The following ZNF57 variants were observed in gnomAD, a reference collection of about 807,000 sequenced individuals.
The protein encoded by ZNF57 is zinc finger protein 424.
ZNF57 carries 11 observed loss-of-function variants against 13.4 expected under a neutral mutation model. That is an observed-to-expected ratio of 0.82 (90% CI 0.52 to 1.36). ZNF57 has a LOEUF of 1.36. Among genes scored for constraint, ZNF57 ranks in the 40% most tolerant of loss-of-function variants. The probability of loss-of-function intolerance (pLI) is 0.00; values close to 1 mark genes in which losing one functional copy is unlikely to be tolerated. For missense variants in ZNF57, 696 were observed against 667.5 expected, an observed-to-expected ratio of 1.04 and a Z score of -0.47; for synonymous variants, 224 against 238.5, an observed-to-expected ratio of 0.94 and a Z score of 0.56.
intron 1 of ZNF57, among the ~76,000 whole-genome samples, chr19:2,907,707 T>G (rs552063120): frequency 6.6e-6 from 1 of 152,278 alleles, no homozygotes; most frequent in East Asian, 1.9e-4. Context: ...GAAAGTAGTT[T>G]TGTCAAGTCC....
chr19:2,915,164 G>A, intron 1 of ZNF57: 1 of 178,114 alleles, frequency 5.6e-6, no homozygotes, highest in Non-Finnish European at 1.2e-5. Context: ...TGCAGTAGCT[G>A]GTGGAAGGCT....
chr19:2,911,527 T>C (rs1035556363), intron 1 of ZNF57, among the ~76,000 whole-genome samples: 2 of 128,124 alleles, frequency 1.6e-5, no homozygotes, highest in African/African-American at 6.5e-5. Context: ...AGGGAGAGTC[T>C]GTCTCAAAAA....
rs948434716 is a variant in ZNF57 at position 2,901,017 on chromosome 19, G to T, written c.-29G>T. ...CCGGCCGCGAGGCCACGGAGAGCTC[G>T]CCTTGGAGAGCCCAGGAGCAGGGGA... On this transcript the variant is annotated 5_prime_UTR_variant, in exon 1 of 4. Transcript: ENST00000306908. The T allele has an allele frequency of 9.6e-5, 149 of 1,557,056 alleles. 1 individual carries two copies. The highest frequency in any genetic ancestry group is 1.3e-4 in the Non-Finnish European group (144 of 1,149,748).
chr19:2,912,382 C>G (rs970648299), intron 1 of ZNF57: 2 of 152,220 alleles, frequency 1.3e-5, no homozygotes, highest in African/African-American at 4.8e-5. Context: ...TTCTTCTCCT[C>G]TACAAGACTG....
At chr19:2,912,246 A>C (rs2088144557) in intron 1 of ZNF57, 1 of 152,342 alleles carries the variant, frequency 6.6e-6, no homozygotes, top group Non-Finnish European at 1.5e-5. Flanking sequence ...GATGGGGGAT[A>C]CATCTCTTTC....
chr19:2,903,811 G>A (rs1364146232), intron 1 of ZNF57, among the ~76,000 whole-genome samples: 2 of 151,466 alleles, frequency 1.3e-5, no homozygotes, highest in Non-Finnish European at 2.9e-5. Flanking sequence ...GCCCTCCGGG[G>A]TTCACGCCAT....
chr19:2,907,401 G>A (rs138504675), intron 1 of ZNF57, among the ~76,000 whole-genome samples: 270 of 152,256 alleles, frequency 1.8e-3, no homozygotes, highest in African/African-American at 6.0e-3. Context: ...TTCCGAAAGC[G>A]CAAATTAAAT....
Position 2,917,455 on chromosome 19 carries a change from G to C in ZNF57, c.834G>C (p.Lys278Asn), listed in dbSNP as rs1348181986. 6.2e-7 allele frequency: 1 copy of C among 1,613,876 alleles called. No homozygotes were observed. Among genetic ancestry groups the C allele is most frequent in the South Asian group, 1.1e-5 (1 of 91,062 alleles). Reference sequence around the variant, plus strand: ...ACATGACAACACACACTGGAGAGAAGCCCTATAAATGTCAGCACTGTGGGA... The same window carrying C: ...ACATGACAACACACACTGGAGAGAACCCCTATAAATGTCAGCACTGTGGGA... Reference protein sequence around the residue: ...QRHMTTHTGEKPYKCQHCGKA... With the variant: ...QRHMTTHTGENPYKCQHCGKA... The change falls in exon 4 of 4, where the codon AAG (lysine) becomes AAC (asparagine). Residue 278 changes from lysine (K) to asparagine (N), a missense_variant. Around this residue, in one of 3 missense-constraint regions of ZNF57, gnomAD observed 645 missense variants for 591.5 expected, o/e 1.09. Transcript: ENST00000306908.
At chr19:2,912,294 G>T (rs1410781980) in intron 1 of ZNF57, 1 of 152,238 alleles carries the variant, frequency 6.6e-6, no homozygotes, top group Non-Finnish European at 1.5e-5. Flanking sequence ...CCCAACAGGT[G>T]AGGCTCTGAT....
rs61754924 is a variant in ZNF57, at chr19:2,917,524, G to A, written c.903G>A (p.Thr301=). 0.023 allele frequency: 37,165 copies of A among 1,613,796 alleles called. 818 individuals are homozygous for A. Among genetic ancestry groups the A allele is most frequent in the Middle Eastern group, 0.1 (622 of 6,056 alleles). The part of the protein sequence containing the change: ...YPQAFQRHEK[T]HTGEKPYECK... ...AGGCTTTTCAAAGACATGAGAAGACGCACACGGGAGAGAAGCCCTATGAAT... is the reference window on the plus strand; with the variant it reads ...AGGCTTTTCAAAGACATGAGAAGACACACACGGGAGAGAAGCCCTATGAAT... The change falls in exon 4 of 4, where the codon ACG becomes ACA. Residue 301 remains threonine, a synonymous_variant. Coordinates refer to ENST00000306908, the MANE Select transcript of ZNF57 (RefSeq NM_173480.3).
Position 2,917,168 on chromosome 19 carries a change from C to G in ZNF57, c.547C>G (p.Leu183Val), listed in dbSNP as rs529852387. Residue 183 changes from leucine to valine, a missense_variant, in exon 4 of 4, where the codon CTA becomes GTA. Physicochemically the swap from Leu to Val is conservative, Grantham distance 32. This residue lies in a region of ZNF57 where 645 missense variants were observed against 591.5 expected (regional missense o/e 1.09). Transcript: ENST00000306908. ...GCAGGCCTGCATTTGTCCCTCACACCTACACAGTCACGGAAGAACTGACAC... is the reference window on the plus strand; with the variant it reads ...GCAGGCCTGCATTTGTCCCTCACACGTACACAGTCACGGAAGAACTGACAC... Reference protein sequence around the residue: ...CKQACICPSHLHSHGRTDTEE... With the variant: ...CKQACICPSHVHSHGRTDTEE... The G allele has an allele frequency of 1.9e-5, 30 of 1,614,180 alleles. No homozygotes were observed. In the South Asian group the frequency reaches 3.1e-4, roughly 17 times the overall value.
At chr19:2,916,873 C>T in intron 3 of ZNF57, 51 bp from the exon 4 acceptor site, 2 of 1,445,668 alleles carry the variant, frequency 1.4e-6, no homozygotes, top group Non-Finnish European at 1.9e-6. Context: ...TACATCTCAA[C>T]ACATCATTAC....
chr19:2,916,851 AATACTT>A (rs2088203639), intron 3 of ZNF57, 67 bp from the exon 4 acceptor site: 2 of 1,297,710 alleles, frequency 1.5e-6, no homozygotes, highest in Non-Finnish European at 2.1e-6. Flanking sequence ...CATTATTTCT[AATACTT>A]GTTAATACAT....
chr19:2,910,978 T>C (rs2144927419), intron 1 of ZNF57, among the ~76,000 whole-genome samples: 1 of 152,108 alleles, frequency 6.6e-6, no homozygotes, highest in South Asian at 2.1e-4. Flanking sequence ...TTGGTTTTGA[T>C]TGCATGTTTT....
intron 1 of ZNF57, among the ~76,000 whole-genome samples, chr19:2,902,432 G>A (rs2088038291): frequency 6.6e-6 from 1 of 152,128 alleles, no homozygotes; most frequent in African/African-American, 2.4e-5. Flanking sequence ...GTGGGGTACA[G>A]GCTAAGCATG....
At chr19:2,911,439 G>A (rs372430460) in intron 1 of ZNF57, among the ~76,000 whole-genome samples, 160 of 152,128 alleles carry the variant, frequency 1.1e-3, no homozygotes, top group African/African-American at 3.6e-3. Flanking sequence ...AGGCTGATGC[G>A]GGAGAATCTC....
chr19:2,907,358 G>A (rs555721772), intron 1 of ZNF57, among the ~76,000 whole-genome samples: 1 of 152,194 alleles, frequency 6.6e-6, no homozygotes, highest in Non-Finnish European at 1.5e-5. Context: ...AAGTTCTGCA[G>A]CAGGCCCACG....
At chr19:2,915,761 C>G (rs1160486036) in intron 2 of ZNF57, 113 bp downstream of exon 2, 3 of 1,467,896 alleles carry the variant, frequency 2.0e-6, no homozygotes, top group Non-Finnish European at 2.9e-6. Context: ...TGTTCACAGC[C>G]ACCATGGACC....
Position 2,917,061 on chromosome 19 carries a change from C to G in ZNF57, c.440C>G (p.Thr147Arg). The change falls in exon 4 of 4, where the codon ACA (threonine) becomes AGA (arginine). Residue 147 changes from threonine (T) to arginine (R), a missense_variant. By Grantham distance (71) the Thr-to-Arg change is moderately conservative. This residue lies in a region of ZNF57 where 645 missense variants were observed against 591.5 expected (regional missense o/e 1.09). Transcript: ENST00000306908. ...CCATATGAATGCACCAAGTGCAGGA[C>G]AGTCTTCACGCATCTTTCTTCTCTT... ...EKPYECTKCR[T>R]VFTHLSSLKR... is the part of the protein sequence containing the mutation. The G allele has an allele frequency of 6.2e-7, 1 of 1,614,224 alleles. No individual in the cohort carries two copies. The highest frequency in any genetic ancestry group is 1.1e-5 in the South Asian group (1 of 91,088).
Sources: allele counts gnomAD v4.1 joint callset (sites outside exome capture counted in the v4.1 genomes callset), GRCh38; gene constraint gnomAD v4.1.1; regional missense constraint gnomAD v4.1.1; transcripts MANE v1.5; gene names NCBI Gene and HGNC (gene_info 2026-07-23, HGNC 2026-07-21).